The following CCDC73 variants were observed in gnomAD, a reference collection of about 807,000 sequenced individuals.
CCDC73 encodes coiled-coil domain-containing protein 73.
Under a neutral mutation model 116.5 loss-of-function variants are expected in CCDC73, and 95 were observed. The observed-to-expected ratio is 0.82, with a 90% CI of 0.69 to 0.97. The LOEUF (loss-of-function observed/expected upper bound fraction) is 0.97. CCDC73 is among the 50% of genes least tolerant of loss of function. The pLI, the probability that CCDC73 is intolerant of heterozygous loss-of-function variation, is 0.00. For synonymous variants in CCDC73, 398 were observed against 401.3 expected (o/e 0.99, Z 0.10); for missense variants, 1,066 against 1,206.8 (o/e 0.88, Z 1.73).
chr11:32,640,740 G>C (rs1043576638), intron 13 of CCDC73, among the ~76,000 whole-genome samples: 26 of 152,140 alleles, frequency 1.7e-4, no homozygotes, highest in Admixed American at 1.0e-3. Flanking sequence ...AGTTCCGGCT[G>C]GGCGATGTGG....
chr11:32,662,519 T>C (rs1367600855), intron 9 of CCDC73, among the ~76,000 whole-genome samples: 1 of 152,102 alleles, frequency 6.6e-6, no homozygotes, highest in Non-Finnish European at 1.5e-5. Context: ...TTTGCCCACT[T>C]TGTGATGGGG....
chr11:32,804,857 A>G, the CCDC73 span, among the ~76,000 whole-genome samples: 2 of 152,156 alleles, frequency 1.3e-5, no homozygotes, highest in African/African-American at 2.4e-5. Flanking sequence ...TTAAAAAGAG[A>G]CTCCACTAAT....
chr11:32,604,621 T>A (rs1355771243), intron 17 of CCDC73: 1 of 152,216 alleles, frequency 6.6e-6, no homozygotes, highest in African/African-American at 2.4e-5. Context: ...TGTTCTTAAG[T>A]CTGTTAAGAG....
chr11:32,718,020 A>C, intron 3 of CCDC73, 56 bp downstream of exon 3: 1 of 1,235,918 alleles, frequency 8.1e-7, no homozygotes, highest in South Asian at 1.3e-5. Flanking sequence ...GGTTACGGGG[A>C]TTACAATTCA....
Position 32,614,347 on chromosome 11 carries a change from A to G in CCDC73, c.1971T>C (p.Asp657=). Residue 657 remains aspartate (D), a synonymous_variant, in exon 16 of 18, where the codon GAT becomes GAC. Coordinates refer to ENST00000335185, the MANE Select transcript of CCDC73 (RefSeq NM_001008391.4). The part of the protein sequence containing the change: ...LRNSSNVMLD[D]KQCKIKQIQL... ...GTATTTGTTTTATTTTACATTGTTT[A>G]TCATCTAACATAACATTACTTGAAT... The G allele has an allele frequency of 6.2e-7, 1 of 1,611,428 alleles. No individual in the cohort carries two copies. Among genetic ancestry groups the G allele is most frequent in the Non-Finnish European group, 8.5e-7 (1 of 1,178,150 alleles).
At chr11:32,610,231 A>G (rs1405702260) in intron 17 of CCDC73, among the ~76,000 whole-genome samples, 1 of 152,126 alleles carries the variant, frequency 6.6e-6, no homozygotes, top group African/African-American at 2.4e-5. Flanking sequence ...CCATGATTCA[A>G]TTACCTCCCA....
At chr11:32,645,394 C>T (rs909496236) in intron 12 of CCDC73, among the ~76,000 whole-genome samples, 11 of 149,888 alleles carry the variant, frequency 7.3e-5, no homozygotes, top group Non-Finnish European at 1.6e-4. Flanking sequence ...CAGGTTCAAG[C>T]GATTCTCCGG....
At chr11:32,638,586 C>T (rs923913335) in intron 13 of CCDC73, among the ~76,000 whole-genome samples, 3 of 152,064 alleles carry the variant, frequency 2.0e-5, no homozygotes, top group African/African-American at 7.2e-5. Context: ...TCAAGCAATT[C>T]TCCTGCCTCA....
chr11:32,785,620 G>T (rs1327320615), intron 1 of CCDC73, among the ~76,000 whole-genome samples: 1 of 151,958 alleles, frequency 6.6e-6, no homozygotes, highest in Non-Finnish European at 1.5e-5. Flanking sequence ...ACCCAGGCTG[G>T]TCTTGAACTC....
chr11:32,775,886 C>T (rs775773452), intron 1 of CCDC73, among the ~76,000 whole-genome samples: 11 of 152,158 alleles, frequency 7.2e-5, no homozygotes, highest in Non-Finnish European at 1.3e-4. Context: ...CTAAAGTACT[C>T]ACTTGCATTT....
chr11:32,758,785 T>C (rs2133375623), intron 2 of CCDC73, among the ~76,000 whole-genome samples: 1 of 152,310 alleles, frequency 6.6e-6, no homozygotes. Flanking sequence ...AAGTTTTAAA[T>C]AGTGACCAAA....
intron 3 of CCDC73, among the ~76,000 whole-genome samples, chr11:32,708,190 C>T (rs1428844490): frequency 6.6e-6 from 1 of 152,124 alleles, no homozygotes; most frequent in Non-Finnish European, 1.5e-5. Context: ...TTTTCATTTG[C>T]TTTGTCAGAG....
At chr11:32,736,402 A>G (rs1850129409) in intron 2 of CCDC73, among the ~76,000 whole-genome samples, 1 of 152,226 alleles carries the variant, frequency 6.6e-6, no homozygotes, top group African/African-American at 2.4e-5. Flanking sequence ...CAAAAGACAC[A>G]TGAAAAAATG....
intron 9 of CCDC73, among the ~76,000 whole-genome samples, chr11:32,671,643 G>C (rs1352178045): frequency 6.6e-6 from 1 of 152,130 alleles, no homozygotes; most frequent in Non-Finnish European, 1.5e-5. Context: ...TTTAAAATTA[G>C]TGTACTTAGA....
chr11:32,662,991 TG>T (rs1416452066), intron 9 of CCDC73, among the ~76,000 whole-genome samples: 2 of 152,144 alleles, frequency 1.3e-5, no homozygotes, highest in African/African-American at 4.8e-5. Flanking sequence ...AAAGATCAGA[TG>T]GTTGTAGATG....
At chr11:32,674,497 T>A (rs1856066862) in intron 9 of CCDC73, among the ~76,000 whole-genome samples, 1 of 152,198 alleles carries the variant, frequency 6.6e-6, no homozygotes, top group Non-Finnish European at 1.5e-5. Flanking sequence ...GCTTAAATAA[T>A]GGGAACTTAT....
At chr11:32,771,936 T>C (rs1023557292) in intron 1 of CCDC73, among the ~76,000 whole-genome samples, 5 of 152,184 alleles carry the variant, frequency 3.3e-5, no homozygotes, top group African/African-American at 1.2e-4. Flanking sequence ...CATGCCATGT[T>C]ATACAAAGAA....
intron 14 of CCDC73, among the ~76,000 whole-genome samples, chr11:32,621,367 CA>C (rs1855521646): frequency 6.6e-6 from 1 of 152,058 alleles, no homozygotes; most frequent in Non-Finnish European, 1.5e-5. Context: ...GAAATAAGAC[CA>C]CACGTCTACA....
chr11:32,830,057 C>T, the CCDC73 span: 2 of 987,758 alleles, frequency 2.0e-6, no homozygotes, highest in South Asian at 4.7e-5. Context: ...GAGAGCGAGG[C>T]CCGGAGCGTC....
Sources: gnomAD v4.1 joint callset for allele counts (sites outside exome capture counted in the v4.1 genomes callset) on GRCh38, gnomAD v4.1.1 for gene constraint, MANE v1.5 for transcripts, NCBI Gene and HGNC (gene_info 2026-07-23, HGNC 2026-07-21) for gene names.